TAMM41: variants seen among roughly 807,000 people sequenced by gnomAD.
The protein encoded by TAMM41 is phosphatidate cytidylyltransferase, mitochondrial.
Under a neutral mutation model 44.1 loss-of-function variants are expected in TAMM41, and 36 were observed. The ratio of observed to expected loss-of-function variants is 0.82; its 90% CI spans 0.63 to 1.08. The LOEUF (loss-of-function observed/expected upper bound fraction) is 1.08, where lower values mean the gene tolerates loss of function less well. Among genes scored for constraint, TAMM41 ranks in the 50% least tolerant of loss-of-function variants. The pLI, the probability that TAMM41 is intolerant of heterozygous loss-of-function variation, is 0.00. For missense variants in TAMM41, 417 were observed against 404.3 expected, an observed-to-expected ratio of 1.03 and a Z score of -0.27; for synonymous variants, 164 against 153.1, an observed-to-expected ratio of 1.07 and a Z score of -0.53.
chr3:11,754,708 C>CTT, the TAMM41 span, among the ~76,000 whole-genome samples: 9,893 of 103,002 alleles, frequency 0.096, 657 homozygotes, highest in Middle Eastern at 0.12. Flanking sequence ...TCTCAGATCT[C>CTT]TTTTTTTTTT....
the TAMM41 span, among the ~76,000 whole-genome samples, chr3:11,725,557 G>C: frequency 6.6e-6 from 1 of 151,878 alleles, no homozygotes; most frequent in Non-Finnish European, 1.5e-5. Context: ...TCCCACCTCA[G>C]CCTCCTGAGT....
chr3:11,807,663 T>TTACC (rs2077957531), intron 7 of TAMM41, 170 bp downstream of exon 7: 1 of 1,536,206 alleles, frequency 6.5e-7, no homozygotes, highest in Non-Finnish European at 8.7e-7. Context: ...GACCACCAGG[T>TTACC]TCTGCTGCTG....
At chr3:11,730,109 C>T in the TAMM41 span, among the ~76,000 whole-genome samples, 1 of 152,088 alleles carries the variant, frequency 6.6e-6, no homozygotes, top group Non-Finnish European at 1.5e-5. Context: ...TTTGGCAGGG[C>T]GCAGTGGCTC....
chr3:11,722,478 A>G, the TAMM41 span, among the ~76,000 whole-genome samples: 9 of 152,342 alleles, frequency 5.9e-5, no homozygotes, highest in African/African-American at 1.2e-4. Context: ...AGTGACCTCA[A>G]CAATACAGAT....
the TAMM41 span, among the ~76,000 whole-genome samples, chr3:11,737,733 A>G: frequency 1.3e-5 from 2 of 152,202 alleles, no homozygotes; most frequent in African/African-American, 4.8e-5. Flanking sequence ...ACACATTTGC[A>G]GGCAAAACAC....
chr3:11,822,079 A>T (rs2078547659), intron 4 of TAMM41, among the ~76,000 whole-genome samples: 1 of 152,200 alleles, frequency 6.6e-6, no homozygotes, highest in Admixed American at 6.5e-5. Flanking sequence ...ATATGTGCAA[A>T]CATACCAAAA....
chr3:11,816,154 C>T (rs9852616), intron 5 of TAMM41, among the ~76,000 whole-genome samples: 2,724 of 151,732 alleles, frequency 0.018, 74 homozygotes, highest in African/African-American at 0.055. Flanking sequence ...ATGTTAGTTG[C>T]CCCTACTATG....
At chr3:11,752,130 G>A in the TAMM41 span, among the ~76,000 whole-genome samples, 7 of 152,204 alleles carry the variant, frequency 4.6e-5, no homozygotes, top group East Asian at 1.9e-4. Context: ...ATGAAGCTGC[G>A]GACCTTCGCG....
intron 1 of TAMM41, among the ~76,000 whole-genome samples, chr3:11,844,522 A>G (rs888599577): frequency 1.3e-5 from 2 of 152,210 alleles, no homozygotes; most frequent in Non-Finnish European, 2.9e-5. Flanking sequence ...TCTCAATTTT[A>G]TAAGAAACCA....
the TAMM41 span, among the ~76,000 whole-genome samples, chr3:11,737,284 C>CATTATTATT: frequency 1.1e-4 from 14 of 131,674 alleles, no homozygotes; most frequent in South Asian, 5.4e-4. Flanking sequence ...TGTTGGCTTA[C>CATTATTATT]ATTATTATTA....
chr3:11,838,249 C>T (rs1014373115), intron 3 of TAMM41, among the ~76,000 whole-genome samples: 8 of 152,202 alleles, frequency 5.3e-5, no homozygotes, highest in African/African-American at 1.9e-4. Context: ...GAGTCTCACT[C>T]TGTCGCCCAG....
the TAMM41 span, among the ~76,000 whole-genome samples, chr3:11,763,012 G>A: frequency 1.2e-4 from 19 of 152,264 alleles, no homozygotes; most frequent in Admixed American, 2.6e-4. Context: ...CACTCTAGCC[G>A]GGGCAACAAG....
At chr3:11,768,978 A>G in the TAMM41 span, among the ~76,000 whole-genome samples, 1 of 152,236 alleles carries the variant, frequency 6.6e-6, no homozygotes, top group African/African-American at 2.4e-5. Flanking sequence ...CATTCTAGCC[A>G]TCAGGCACGG....
chr3:11,793,794 C>T (rs958874767), intron 7 of TAMM41, among the ~76,000 whole-genome samples: 2 of 152,118 alleles, frequency 1.3e-5, no homozygotes, highest in African/African-American at 4.8e-5. Context: ...CAGGCTGGAG[C>T]TTACTCTCGG....
chr3:11,795,298 C>T (rs2077577854), intron 7 of TAMM41, among the ~76,000 whole-genome samples: 1 of 152,208 alleles, frequency 6.6e-6, no homozygotes, highest in South Asian at 2.1e-4. Flanking sequence ...TCATCATCCT[C>T]GCCCAACCTC....
the TAMM41 span, among the ~76,000 whole-genome samples, chr3:11,728,077 G>A: frequency 3.3e-5 from 5 of 151,988 alleles, no homozygotes; most frequent in East Asian, 9.7e-4. Flanking sequence ...GTGAGCCACC[G>A]TGCCCAGCCC....
At chr3:11,761,085 G>A in the TAMM41 span, among the ~76,000 whole-genome samples, 4 of 151,374 alleles carry the variant, frequency 2.6e-5, no homozygotes, top group Admixed American at 6.6e-5. Context: ...GGAGAATGGC[G>A]TGAACCTGGG....
chr3:11,775,320 G>A, the TAMM41 span, among the ~76,000 whole-genome samples: 1 of 152,106 alleles, frequency 6.6e-6, no homozygotes, highest in Non-Finnish European at 1.5e-5. Flanking sequence ...CGTTTGCCAG[G>A]CTTTGGGGCC....
the TAMM41 span, among the ~76,000 whole-genome samples, chr3:11,749,322 C>T: frequency 1.3e-5 from 2 of 152,182 alleles, no homozygotes; most frequent in Admixed American, 1.3e-4. Flanking sequence ...GGACTTGAAC[C>T]TGAAGGTGTC....
Sources: gnomAD v4.1 joint callset for allele counts (sites outside exome capture counted in the v4.1 genomes callset) on GRCh38, gnomAD v4.1.1 for gene constraint, MANE v1.5 for transcripts, NCBI Gene and HGNC (gene_info 2026-07-23, HGNC 2026-07-21) for gene names.